Variants in OXR1 observed in about 807,000 individuals in gnomAD.
OXR1 encodes oxidation resistance protein 1.
Under a neutral mutation model 104.6 loss-of-function variants are expected in OXR1, and 41 were observed. The ratio of observed to expected loss-of-function variants is 0.39; its 90% confidence interval spans 0.31 to 0.51. The LOEUF (loss-of-function observed/expected upper bound fraction) is 0.51, where lower values mean the gene tolerates loss of function less well. Ranked by LOEUF, OXR1 falls within the 20% of genes least tolerant of loss-of-function variation. The pLI is 0.77. For synonymous variants in OXR1, 348 were observed against 348.4 expected (o/e 1.00, Z 0.01); for missense variants, 955 against 1,031.9 (o/e 0.93, Z 1.02).
chr8:106,706,804 A>G lies in OXR1; in HGVS notation c.1283A>G (p.Asp428Gly), dbSNP rs1403059038. 1.2e-6 allele frequency: 2 copies of G among 1,612,700 alleles called. No homozygotes were observed. Among genetic ancestry groups the G allele is most frequent in the African/African-American group, 2.7e-5 (2 of 74,940 alleles). ...EMAIKEDQIA[D>G]NFQGISGPKE... is the part of the protein sequence containing the mutation. ...GCCATTAAGGAAGATCAGATTGCAG[A>G]TAACTTTCAAGGAATATCAGGTCCT... The change falls in exon 9 of 17, where the codon GAT becomes GGT. Residue 428 changes from aspartate (D) to glycine (G), a missense_variant. This residue lies in a region of OXR1 where 849 missense variants were observed against 852.9 expected (regional missense o/e 1.00). Transcript: ENST00000517566.
chr8:106,694,808 AT>A (rs1829760229), intron 7 of OXR1, among the ~76,000 whole-genome samples: 1 of 125,186 alleles, frequency 8.0e-6, no homozygotes, highest in East Asian at 2.2e-4. Flanking sequence ...ATACATATAT[AT>A]TTAATAGATA....
intron 1 of OXR1, among the ~76,000 whole-genome samples, chr8:106,296,532 G>T (rs1450340946): frequency 6.6e-6 from 1 of 152,102 alleles, no homozygotes; most frequent in African/African-American, 2.4e-5. Flanking sequence ...TTAAGTTCTT[G>T]CCTATCACCT....
intron 3 of OXR1, among the ~76,000 whole-genome samples, chr8:106,531,593 T>C (rs1040841565): frequency 6.6e-5 from 10 of 152,098 alleles, no homozygotes; most frequent in African/African-American, 2.2e-4. Flanking sequence ...CCACAGAGAG[T>C]TGAACCTTGT....
intron 3 of OXR1, chr8:106,581,217 C>T: frequency 7.8e-7 from 1 of 1,286,670 alleles, no homozygotes; most frequent in East Asian, 5.6e-5. Flanking sequence ...AGCTGAATTC[C>T]AAGGAAATAT....
intron 6 of OXR1, among the ~76,000 whole-genome samples, chr8:106,687,385 A>G (rs1320789782): frequency 6.6e-6 from 1 of 152,102 alleles, no homozygotes; most frequent in South Asian, 2.1e-4. Context: ...TGTACACCAT[A>G]TGTACCTTTG....
At chr8:106,314,791 C>A (rs1240819635) in intron 1 of OXR1, among the ~76,000 whole-genome samples, 1 of 152,038 alleles carries the variant, frequency 6.6e-6, no homozygotes, top group Non-Finnish European at 1.5e-5. Flanking sequence ...AATTGTTTAG[C>A]CTTATCAGAG....
intron 3 of OXR1, among the ~76,000 whole-genome samples, chr8:106,600,994 T>C (rs552999871): frequency 1.3e-5 from 2 of 152,174 alleles, no homozygotes; most frequent in South Asian, 4.1e-4. Context: ...CTGAAGGAAA[T>C]AGAGGCTGGA....
chr8:106,316,717 C>CTATCTATCTATCATCTATCT (rs147531007), intron 1 of OXR1, among the ~76,000 whole-genome samples: 8 of 118,678 alleles, frequency 6.7e-5, no homozygotes, highest in Non-Finnish European at 1.2e-4. Flanking sequence ...ATCTATCTAT[C>CTATCTATCTATCATCTATCT]ATCTATCTAT....
intron 3 of OXR1, among the ~76,000 whole-genome samples, chr8:106,612,707 C>G (rs1025324458): frequency 6.6e-6 from 1 of 152,170 alleles, no homozygotes; most frequent in Non-Finnish European, 1.5e-5. Context: ...CCTACATACA[C>G]TTTTATGGCT....
intron 1 of OXR1, among the ~76,000 whole-genome samples, chr8:106,324,548 GA>G (rs57979286): frequency 7.6e-4 from 110 of 143,866 alleles, no homozygotes; most frequent in East Asian, 8.3e-4. Flanking sequence ...TACAAAAAAA[GA>G]AAAAAAAAAA....
At chr8:106,684,806 T>C (rs1283274444) in intron 6 of OXR1, among the ~76,000 whole-genome samples, 1 of 152,206 alleles carries the variant, frequency 6.6e-6, no homozygotes, top group African/African-American at 2.4e-5. Flanking sequence ...AGAATTGACA[T>C]AGTAGATTAA....
At chr8:106,281,077 A>C (rs527712180) in intron 1 of OXR1, among the ~76,000 whole-genome samples, 1 of 152,132 alleles carries the variant, frequency 6.6e-6, no homozygotes, top group African/African-American at 2.4e-5. Flanking sequence ...GCCTTACACA[A>C]CTAGGGGAAG....
intron 2 of OXR1, among the ~76,000 whole-genome samples, chr8:106,517,531 T>C (rs1586748220): frequency 6.6e-6 from 1 of 152,250 alleles, no homozygotes; most frequent in East Asian, 1.9e-4. Flanking sequence ...CAAAAATATA[T>C]TGCCAGACAT....
At chr8:106,461,871 A>G (rs1820934867) in intron 2 of OXR1, among the ~76,000 whole-genome samples, 1 of 152,206 alleles carries the variant, frequency 6.6e-6, no homozygotes, top group African/African-American at 2.4e-5. Flanking sequence ...GTTATTCATT[A>G]TCATCTATAA....
intron 7 of OXR1, among the ~76,000 whole-genome samples, chr8:106,700,290 AAGCTTATG>A (rs1830473564): frequency 6.6e-6 from 1 of 152,180 alleles, no homozygotes. Context: ...GCTTTGGTAT[AAGCTTATG>A]ATTTTCAACT....
intron 1 of OXR1, among the ~76,000 whole-genome samples, chr8:106,339,727 T>TA (rs550793292): frequency 4.6e-4 from 68 of 149,164 alleles, no homozygotes; most frequent in African/African-American, 1.0e-3. Context: ...CTTCCTTTGA[T>TA]AAAAAAAAAT....
At chr8:106,704,123 T>C (rs2131362141) in intron 8 of OXR1, among the ~76,000 whole-genome samples, 1 of 152,314 alleles carries the variant, frequency 6.6e-6, no homozygotes, top group Admixed American at 6.5e-5. Context: ...TTTGACTTGG[T>C]AGACTAATCT....
At chr8:106,691,658 A>G (rs1829300046) in intron 6 of OXR1, among the ~76,000 whole-genome samples, 1 of 149,538 alleles carries the variant, frequency 6.7e-6, no homozygotes, top group Non-Finnish European at 1.5e-5. Flanking sequence ...ACATATATTT[A>G]TATTTGTGTG....
intron 11 of OXR1, among the ~76,000 whole-genome samples, chr8:106,717,231 G>A (rs1014839185): frequency 6.6e-6 from 1 of 152,056 alleles, no homozygotes; most frequent in Non-Finnish European, 1.5e-5. Context: ...AAACTAATGA[G>A]TACTCATTTA....
Sources: allele counts gnomAD v4.1 joint callset (sites outside exome capture counted in the v4.1 genomes callset), GRCh38; gene constraint gnomAD v4.1.1; regional missense constraint gnomAD v4.1.1; transcripts MANE v1.5; gene names NCBI Gene and HGNC (gene_info 2026-07-23, HGNC 2026-07-21).